The following RANBP3 variants were observed in gnomAD, a reference collection of about 807,000 sequenced individuals.
RANBP3 encodes the protein RAN binding protein 3, also known as ran-binding protein 3.
Under a neutral mutation model 77.3 loss-of-function variants are expected in RANBP3, and 14 were observed. That is an observed-to-expected ratio of 0.18 (90% CI 0.12 to 0.28). The LOEUF is 0.28. RANBP3 is among the 10% of genes least tolerant of loss of function. The pLI is 1.00. For synonymous variants in RANBP3, 315 were observed against 312.4 expected (o/e 1.01, Z -0.09); for missense variants, 586 against 752.3 (o/e 0.78, Z 2.59).
intron 4 of RANBP3, 26 bp from the exon 5 acceptor site, chr19:5,941,733 G>A (rs1480401542): frequency 2.5e-6 from 4 of 1,612,630 alleles, no homozygotes; most frequent in Admixed American, 1.7e-5. Flanking sequence ...AGAAGAGGAG[G>A]AGAAAAATCA....
In RANBP3 at chr19:5,978,064, C is replaced by G; in HGVS notation, c.19G>C (p.Glu7Gln). 1 of 1,611,024 alleles carries G rather than the reference C, an allele frequency of 6.2e-7. No homozygotes were observed. Among genetic ancestry groups the G allele is most frequent in the Middle Eastern group, 1.7e-4 (1 of 6,056 alleles). The change falls in exon 1 of 17, where the codon GAA becomes CAA. Residue 7 changes from glutamate (E) to glutamine (Q), a missense_variant. Physicochemically the swap from Glu to Gln is conservative, Grantham distance 29. Transcript: ENST00000340578. ...TCCCCAACGGCGCCTCCCCTACCTT[C>G]GTTCGCCAGGTCCGCCATTTTACTT... The part of the protein sequence containing the change: MADLAN[E>Q]EKPAIAPPVF...
intron 1 of RANBP3, chr19:5,976,637 G>C (rs529219212): frequency 2.0e-5 from 3 of 152,374 alleles, no homozygotes; most frequent in Admixed American, 6.5e-5. Flanking sequence ...CCAGCTACTC[G>C]GGAGGCTGAG....
At chr19:5,935,790 C>T (rs2058056719) in intron 5 of RANBP3, 3 of 456,632 alleles carry the variant, frequency 6.6e-6, no homozygotes, top group South Asian at 4.6e-5. Flanking sequence ...ACAGGCCCTG[C>T]TCCACGAAAA....
chr19:5,925,155 G>A lies in RANBP3; in HGVS notation c.918-250C>T, dbSNP rs937686860. ...AAGCCACCTTCCACCTGCTCTACCC[G>A]CCCATCTCCCAGTCGGGACACGCTT... On this transcript the variant is annotated intron_variant, in intron 10 of 16. Coordinates refer to ENST00000340578, the MANE Select transcript of RANBP3 (RefSeq NM_007322.3). 20 of 543,284 alleles carry A rather than the reference G, an allele frequency of 3.7e-5. 1 individual carries two copies. Among genetic ancestry groups the A allele is most frequent in the Non-Finnish European group, 4.6e-5 (14 of 301,076 alleles). 33.7% of individuals were successfully genotyped at this position (543,284 alleles called of 1,614,324 possible).
rs764360952 is a variant in RANBP3 at position 5,951,415 on chromosome 19, G to A, written c.260C>T (p.Pro87Leu). 2 of 1,569,302 alleles carry A rather than the reference G, an allele frequency of 1.3e-6. No homozygotes were observed. The highest frequency in any genetic ancestry group is 2.3e-5 in the South Asian group (2 of 86,268). The change falls in exon 3 of 17, where the codon CCT (proline) becomes CTT (leucine). Residue 87 changes from proline to leucine, a missense_variant. Transcript: ENST00000340578. ...TACCCCTGCCAGTTCTCGCGGAAAAGGAGGAAGCTGGGCTTCAGGAGCGGG... is the reference window on the plus strand; with the variant it reads ...TACCCCTGCCAGTTCTCGCGGAAAAAGAGGAAGCTGGGCTTCAGGAGCGGG... Reference protein sequence around the residue: ...PPPAPEAQLPPFPRELAGRSA... With the variant: ...PPPAPEAQLPLFPRELAGRSA...
chr19:5,917,330 G>A lies in RANBP3; in HGVS notation c.*280C>T. ...AGGTCTCCAGTCCCAGTGAGAAGCC[G>A]TGACAAGTCTTAATGTGCCATTTCA... is the stretch of plus-strand genomic sequence containing the variant. On this transcript the variant is annotated 3_prime_UTR_variant, in exon 17 of 17. Coordinates refer to ENST00000340578, the MANE Select transcript of RANBP3 (RefSeq NM_007322.3). 12 of 498,278 alleles carry A rather than the reference G, an allele frequency of 2.4e-5. No individual in the cohort carries two copies. Among genetic ancestry groups the A allele is most frequent in the Non-Finnish European group, 4.3e-5 (12 of 280,072 alleles). The allele number at this position is 498,278 out of a possible 1,614,324, so 30.9% of individuals were successfully genotyped here. A position where few individuals can be genotyped will look rare whatever the true frequency, so the allele number is the denominator to read the frequency against.
chr19:5,920,561 T>C (rs2057804699), intron 14 of RANBP3, among the ~76,000 whole-genome samples: 1 of 152,218 alleles, frequency 6.6e-6, no homozygotes, highest in South Asian at 2.1e-4. Flanking sequence ...ATTTTATTTT[T>C]TTTTGAGATG....
chr19:5,976,016 G>T (rs1472262364), intron 1 of RANBP3, among the ~76,000 whole-genome samples: 4 of 152,150 alleles, frequency 2.6e-5, no homozygotes, highest in Non-Finnish European at 5.9e-5. Context: ...GGGAACGGGG[G>T]CTAAGCATTG....
intron 1 of RANBP3, among the ~76,000 whole-genome samples, chr19:5,976,087 T>C (rs2058587767): frequency 6.6e-6 from 1 of 151,984 alleles, no homozygotes; most frequent in Non-Finnish European, 1.5e-5. Flanking sequence ...GTAGAAATGA[T>C]AGTATTTGCT....
chr19:5,954,070 T>C (rs879543116), intron 2 of RANBP3, among the ~76,000 whole-genome samples: 3 of 152,270 alleles, frequency 2.0e-5, no homozygotes, highest in East Asian at 3.9e-4. Context: ...AAACAAAAAA[T>C]TCCTCGGCTG....
intron 3 of RANBP3, among the ~76,000 whole-genome samples, chr19:5,947,327 AAG>A (rs1555759129): frequency 1.3e-5 from 2 of 151,358 alleles, no homozygotes; most frequent in African/African-American, 2.4e-5. Context: ...AAAAAAAAAA[AAG>A]AAAGAAAAGA....
rs1016555111 is a variant in RANBP3, at chr19:5,941,717, A to G, written c.320-10T>C. 4 of 1,613,386 alleles carry G rather than the reference A, an allele frequency of 2.5e-6. No homozygotes were observed. In the African/African-American group the frequency reaches 4.0e-5, roughly 16 times the overall value. ...TCTTCTCTGTCAGAATCTACAGAAA[A>G]TGATGAGAAGAGGAGGAGAAAAATC... On this transcript the variant is annotated splice_polypyrimidine_tract_variant and intron_variant, in intron 4 of 16. Coordinates refer to ENST00000340578, the MANE Select transcript of RANBP3 (RefSeq NM_007322.3).
At position 5,923,816 on chromosome 19, in the gene RANBP3, C is replaced by T; in HGVS notation, c.1095G>A (p.Glu365=). 1 of 1,611,398 alleles carries T rather than the reference C, an allele frequency of 6.2e-7. No homozygotes were observed. The highest frequency in any genetic ancestry group is 8.5e-7 in the Non-Finnish European group (1 of 1,177,474). ...SESSSQEATP[E]KESLAESAAA... is the part of the protein sequence containing the mutation. ...TGTGGTGGGACGCTAACATACCTTT[C>T]TCAGGGGTGGCCTCCTGGGACGAGG... Residue 365 remains glutamate (E), a synonymous_variant, in exon 12 of 17, where the codon GAG becomes GAA. Transcript: ENST00000340578.
Position 5,917,914 on chromosome 19 carries a change from G to A in RANBP3, c.1540C>T (p.Arg514Cys), listed in dbSNP as rs751243907. The change falls in exon 16 of 17, where the codon CGC becomes TGC. Residue 514 changes from arginine (R) to cysteine (C), a missense_variant. By Grantham distance (180) the Arg-to-Cys change is radical (BLOSUM62 -3). Transcript: ENST00000340578. Reference protein sequence around the residue: ...LHHRILALRSRVEQEQEAKMP... With the variant: ...LHHRILALRSCVEQEQEAKMP... ...TTGGCCTCCTGCTCCTGCTCCACGC[G>A]GCTGCGCAGGGCCAGGATGCGGTGG... The A allele has an allele frequency of 5.0e-6, 8 of 1,612,744 alleles. No individual in the cohort carries two copies. The highest frequency in any genetic ancestry group is 1.3e-5 in the African/African-American group (1 of 74,942).
In RANBP3 at chr19:5,969,002, A is replaced by G. The variant is rs895921594; in HGVS notation, c.22+9059T>C. On this transcript the variant is annotated intron_variant, in intron 1 of 16. Coordinates refer to ENST00000340578, the MANE Select transcript of RANBP3 (RefSeq NM_007322.3). ...GGTAAGGCCTCGCTGAAGCTCACAC[A>G]TGAAGGGTGAGCAGGGATGAGCCAG... Among the ~76,000 whole-genome samples, 9 of 152,316 alleles carry G rather than the reference A, an allele frequency of 5.9e-5. 1 individual carries two copies. The highest frequency in any genetic ancestry group is 5.2e-4 in the Admixed American group (8 of 15,306).
rs763399211 is a variant in RANBP3 at position 5,933,457 on chromosome 19, C to G, written c.429G>C (p.Arg143=). ...SQSEERSSGF[R]LKPPTLIHGQ... ...CGTGGATCAGCGTTGGTGGCTTCAA[C>G]CGGAAGCCACTGCTCCTTTCCTCTA... Residue 143 remains arginine (R), a synonymous_variant, in exon 6 of 17, where the codon CGG becomes CGC. Coordinates refer to ENST00000340578, the MANE Select transcript of RANBP3 (RefSeq NM_007322.3). 3 of 1,613,212 alleles carry G rather than the reference C, an allele frequency of 1.9e-6. No homozygotes were observed. The highest frequency in any genetic ancestry group is 2.7e-5 in the African/African-American group (2 of 74,930).
rs1216596812 is a variant in RANBP3 at position 5,958,219 on chromosome 19, T to G, written c.23-246A>C. On this transcript the variant is annotated intron_variant, in intron 1 of 16. Coordinates refer to ENST00000340578, the MANE Select transcript of RANBP3 (RefSeq NM_007322.3). This position sits in a 1 kb window ranked among gnomAD's most constrained non-coding sequence, Gnocchi z 4.4. ...GTATGCATTTATCATCAATAAGGAG[T>G]TTTCAAGACTCACTGAGAGCGGGCG... is the stretch of plus-strand genomic sequence containing the variant. Among the ~76,000 whole-genome samples, 1 of 150,652 alleles carries G rather than the reference T, an allele frequency of 6.6e-6. No homozygotes were observed. Among genetic ancestry groups the G allele is most frequent in the African/African-American group, 2.4e-5 (1 of 40,828 alleles).
chr19:5,928,536 C>T (rs558368066), intron 8 of RANBP3: 2 of 153,414 alleles, frequency 1.3e-5, no homozygotes, highest in African/African-American at 2.4e-5. Context: ...TTGTGGGACA[C>T]GGAAGTGCGA....
At chr19:5,953,795 C>T (rs2058302877) in intron 2 of RANBP3, among the ~76,000 whole-genome samples, 2 of 152,212 alleles carry the variant, frequency 1.3e-5, no homozygotes, top group Non-Finnish European at 2.9e-5. Flanking sequence ...CGCCCCTCCC[C>T]AGGAAGCGCA....
Sources: allele counts gnomAD v4.1 joint callset (sites outside exome capture counted in the v4.1 genomes callset), GRCh38; gene constraint gnomAD v4.1.1; non-coding constraint Gnocchi (gnomAD v3.1); transcripts MANE v1.5; gene names NCBI Gene and HGNC (gene_info 2026-07-23, HGNC 2026-07-21).